Variants in PPP3CA observed in about 807,000 individuals in gnomAD.
The protein encoded by PPP3CA is CAM-PRP catalytic subunit.
In PPP3CA, 14 loss-of-function variants were observed where a neutral mutation model predicts 66.5. The ratio of observed to expected loss-of-function variants is 0.21; its 90% CI spans 0.14 to 0.33. The LOEUF (loss-of-function observed/expected upper bound fraction) is 0.33, where lower values mean the gene tolerates loss of function less well. Ranked by LOEUF, PPP3CA falls within the 10% of genes least tolerant of loss-of-function variation. PPP3CA has a pLI of 1.00. For missense variants in PPP3CA, 317 were observed against 639.5 expected (o/e 0.50, Z 5.44); for synonymous variants, 232 against 226.2 (o/e 1.03, Z -0.23).
At chr4:101,052,833 A>G (rs1728068910) in intron 10 of PPP3CA, among the ~76,000 whole-genome samples, 1 of 152,052 alleles carries the variant, frequency 6.6e-6, no homozygotes, top group African/African-American at 2.4e-5. Flanking sequence ...CAAAATTCAT[A>G]AAAGTTTATT....
intron 1 of PPP3CA, among the ~76,000 whole-genome samples, chr4:101,230,440 A>G (rs1309036736): frequency 6.6e-6 from 1 of 151,722 alleles, no homozygotes; most frequent in Non-Finnish European, 1.5e-5. Context: ...TCATTTTTAA[A>G]TGTATGAATC....
intron 1 of PPP3CA, among the ~76,000 whole-genome samples, chr4:101,280,732 A>C (rs1382219721): frequency 1.3e-5 from 2 of 151,432 alleles, no homozygotes; most frequent in East Asian, 3.9e-4. Context: ...AGGCTGGAGA[A>C]TCACTTGAAC....
chr4:101,106,468 A>AGAAAGAAGAGAAG (rs1560605272), intron 3 of PPP3CA, among the ~76,000 whole-genome samples: 4 of 46,134 alleles, frequency 8.7e-5, no homozygotes, highest in Non-Finnish European at 1.6e-4. Flanking sequence ...AAGAAAAGAA[A>AGAAAGAAGAGAAG]AGAAAAGAAA....
intron 1 of PPP3CA, among the ~76,000 whole-genome samples, chr4:101,251,810 T>C (rs1218088050): frequency 1.3e-5 from 2 of 152,156 alleles, no homozygotes; most frequent in African/African-American, 4.8e-5. Flanking sequence ...ACTTTCATCA[T>C]TTCTGAAGGC....
chr4:101,272,215 C>T (rs1727358157), intron 1 of PPP3CA, among the ~76,000 whole-genome samples: 1 of 152,134 alleles, frequency 6.6e-6, no homozygotes, highest in South Asian at 2.1e-4. Flanking sequence ...TTATTGAATG[C>T]CTTCAATATA....
At chr4:101,251,183 T>C (rs1663108240) in intron 1 of PPP3CA, among the ~76,000 whole-genome samples, 1 of 151,974 alleles carries the variant, frequency 6.6e-6, no homozygotes, top group African/African-American at 2.4e-5. Flanking sequence ...TGAAGACAAA[T>C]GTAGAACAAT....
chr4:101,107,655 A>T (rs1721473172), intron 3 of PPP3CA, among the ~76,000 whole-genome samples: 1 of 152,242 alleles, frequency 6.6e-6, no homozygotes, highest in South Asian at 2.1e-4. Context: ...GCGTGTAGTC[A>T]GTGACTAAAG....
chr4:101,071,635 G>A (rs1022754621), intron 8 of PPP3CA, among the ~76,000 whole-genome samples: 6 of 152,132 alleles, frequency 3.9e-5, no homozygotes, highest in Non-Finnish European at 8.8e-5. Context: ...TTCAGCTGGT[G>A]GCAGAAGAGC....
chr4:101,321,930 T>C (rs1729052901), intron 1 of PPP3CA, among the ~76,000 whole-genome samples: 1 of 152,084 alleles, frequency 6.6e-6, no homozygotes, highest in African/African-American at 2.4e-5. Flanking sequence ...GCAAAGACCA[T>C]TTATAGTCAT....
intron 11 of PPP3CA, among the ~76,000 whole-genome samples, chr4:101,038,638 G>C (rs910372044): frequency 1.3e-5 from 2 of 152,058 alleles, no homozygotes; most frequent in African/African-American, 4.8e-5. Context: ...AAAGTGCTGG[G>C]ATTACAGGCG....
At chr4:101,304,743 T>C (rs894013865) in intron 1 of PPP3CA, among the ~76,000 whole-genome samples, 1 of 152,234 alleles carries the variant, frequency 6.6e-6, no homozygotes, top group African/African-American at 2.4e-5. Context: ...GGTTTAAAAC[T>C]TCTATTCAAT....
chr4:101,219,034 T>A (rs996211901), intron 1 of PPP3CA, among the ~76,000 whole-genome samples: 8 of 152,198 alleles, frequency 5.3e-5, no homozygotes, highest in Admixed American at 1.3e-4. Flanking sequence ...GTGCCTATTA[T>A]GTGTCAAGAC....
intron 12 of PPP3CA, among the ~76,000 whole-genome samples, chr4:101,030,456 G>A (rs984327886): frequency 2.6e-5 from 4 of 151,450 alleles, no homozygotes; most frequent in Admixed American, 6.6e-5. Flanking sequence ...TTTTGGAGTC[G>A]TATCAATGTA....
At chr4:101,290,735 G>A (rs1727997079) in intron 1 of PPP3CA, among the ~76,000 whole-genome samples, 1 of 152,206 alleles carries the variant, frequency 6.6e-6, no homozygotes, top group Non-Finnish European at 1.5e-5. Context: ...AACACAGGGA[G>A]TGCCAGAATA....
At chr4:101,153,006 T>C (rs761799768) in intron 2 of PPP3CA, among the ~76,000 whole-genome samples, 2 of 152,110 alleles carry the variant, frequency 1.3e-5, no homozygotes, top group African/African-American at 2.4e-5. Context: ...CTTAACAAAT[T>C]CCATTAAATG....
intron 5 of PPP3CA, among the ~76,000 whole-genome samples, chr4:101,095,174 T>A (rs1730140268): frequency 6.6e-6 from 1 of 152,182 alleles, no homozygotes; most frequent in Non-Finnish European, 1.5e-5. Context: ...GTTTAAGAGA[T>A]TTAAATAATT....
chr4:101,152,782 T>C (rs374546914), intron 2 of PPP3CA, among the ~76,000 whole-genome samples: 3 of 151,862 alleles, frequency 2.0e-5, no homozygotes, highest in African/African-American at 2.4e-5. Flanking sequence ...TTGCAAGAAA[T>C]AAACATATAT....
chr4:101,247,396 A>C (rs1042642810), intron 1 of PPP3CA, among the ~76,000 whole-genome samples: 1 of 152,150 alleles, frequency 6.6e-6, no homozygotes, highest in East Asian at 1.9e-4. Flanking sequence ...TCCTGGCCTC[A>C]GGTGATTCTC....
intron 2 of PPP3CA, among the ~76,000 whole-genome samples, chr4:101,139,696 G>GTTTTTTTTTTTTTTTTTTTTTTTTTTT (rs372257350): frequency 1.0e-5 from 1 of 98,406 alleles, no homozygotes; most frequent in Non-Finnish European, 2.0e-5. Flanking sequence ...TTTTTTTTGT[G>GTTTTTTTTTTTTTTTTTTTTTTTTTTT]TTTTTTTTTT....
Sources: gnomAD v4.1 joint callset for allele counts (sites outside exome capture counted in the v4.1 genomes callset) on GRCh38, gnomAD v4.1.1 for gene constraint, MANE v1.5 for transcripts, NCBI Gene and HGNC (gene_info 2026-07-23, HGNC 2026-07-21) for gene names.